The following PCDHGC4 variants were observed in gnomAD, a reference collection of about 807,000 sequenced individuals.
PCDHGC4 encodes protocadherin gamma subfamily C, 4.
A neutral mutation model predicts 59.7 loss-of-function variants in PCDHGC4; 15 were observed. The ratio of observed to expected loss-of-function variants is 0.25; its 90% CI spans 0.17 to 0.39. The LOEUF (loss-of-function observed/expected upper bound fraction) is 0.39, where lower values mean the gene tolerates loss of function less well. Among genes scored for constraint, PCDHGC4 ranks in the 10% least tolerant of loss-of-function variants. PCDHGC4 has a pLI of 1.00. For synonymous variants in PCDHGC4, 434 were observed against 481.4 expected (o/e 0.90, Z 1.29); for missense variants, 1,016 against 1,189.5 (o/e 0.85, Z 2.15).
In PCDHGC4 at chr5:141,506,176, C is replaced by T. The variant is rs183157987; in HGVS notation, c.2590+695C>T. ...CCTTAAGAGCACAGCCTAAGCTGGG[C>T]GTGGTGGCTCACGCCTGTAATCCCA... is the stretch of plus-strand genomic sequence containing the variant. On this transcript the variant is annotated intron_variant, in intron 3 of 3. Coordinates refer to ENST00000306593, the MANE Select transcript of PCDHGC4 (RefSeq NM_018928.3). Among the ~76,000 whole-genome samples the T allele has an allele frequency of 3.0e-3, 454 of 152,234 alleles. 1 individual carries two copies. The highest frequency in any genetic ancestry group is 0.021 in the Admixed American group (317 of 15,296).
At chr5:141,497,464 T>G (rs1277760390) in intron 2 of PCDHGC4, among the ~76,000 whole-genome samples, 1 of 151,764 alleles carries the variant, frequency 6.6e-6, no homozygotes, top group Non-Finnish European at 1.5e-5. Flanking sequence ...CTTGGAGATA[T>G]GGAGGAGAAG....
chr5:141,506,444 CAAAAAA>C (rs1219684339), intron 3 of PCDHGC4, among the ~76,000 whole-genome samples: 1 of 95,026 alleles, frequency 1.1e-5, no homozygotes, highest in African/African-American at 4.0e-5. Flanking sequence ...CGCTCTGTCT[CAAAAAA>C]AAAAAAAAAA....
Position 141,486,243 on chromosome 5 carries a change from G to T in PCDHGC4, c.1070G>T (p.Gly357Val). ...TACATCACAGTGACCTCAGAGCTTG[G>T]AACCCTCCCCGAGAGTGCAGAACCT... is the stretch of plus-strand genomic sequence containing the variant. ...APYITVTSELGTLPESAEPGT... is the reference protein window; with the variant it reads ...APYITVTSELVTLPESAEPGT... Residue 357 changes from glycine (G) to valine (V), a missense_variant, in exon 1 of 4, where the codon GGA becomes GTA. Coordinates refer to ENST00000306593, the MANE Select transcript of PCDHGC4 (RefSeq NM_018928.3). The surrounding 1 kb of genome is among the most constrained non-coding windows in gnomAD (Gnocchi z 5.0). 1 of 1,614,156 alleles carries T rather than the reference G, an allele frequency of 6.2e-7. No individual in the cohort carries two copies. Among genetic ancestry groups the T allele is most frequent in the Non-Finnish European group, 8.5e-7 (1 of 1,180,018 alleles).
At position 141,500,184 on chromosome 5, in the gene PCDHGC4, TTTTATTTATTTATTTA is replaced by T. The variant is rs58019021; in HGVS notation, c.2502-5182_2502-5167del. Among the ~76,000 whole-genome samples the T allele has an allele frequency of 2.1e-3, 289 of 135,964 alleles. 1 individual carries two copies. Among genetic ancestry groups the T allele is most frequent in the Middle Eastern group, 0.016 (4 of 248 alleles). The allele number at this position is 135,964 out of a possible 152,430, so 89.2% of individuals were successfully genotyped here. A position where few individuals can be genotyped will look rare whatever the true frequency, so the allele number is the denominator to read the frequency against. On this transcript the variant is annotated intron_variant, in intron 2 of 3. Coordinates refer to ENST00000306593, the MANE Select transcript of PCDHGC4 (RefSeq NM_018928.3). ...GAACATGCATGAGCTTCATTTTTAT[TTTTATTTATTTATTTA>T]TTTATTTATTTATTTATTTATTTAT...
Position 141,485,754 on chromosome 5 carries a change from T to A in PCDHGC4, c.581T>A (p.Leu194Gln), listed in dbSNP as rs770807249. ...AGCGACGGCAGCCTGGTCCCAGAGC[T>A]GCTCCTGGAGAAGCCTTTGGATCGA... Reference protein sequence around the residue: ...KRSDGSLVPELLLEKPLDREK... With the variant: ...KRSDGSLVPEQLLEKPLDREK... Residue 194 changes from leucine to glutamine, a missense_variant, in exon 1 of 4, where the codon CTG becomes CAG. Transcript: ENST00000306593. This position sits in a 1 kb window ranked among gnomAD's most constrained non-coding sequence, Gnocchi z 5.7. 1 of 1,614,236 alleles carries A rather than the reference T, an allele frequency of 6.2e-7. No individual in the cohort carries two copies. The highest frequency in any genetic ancestry group is 8.5e-7 in the Non-Finnish European group (1 of 1,180,044).
In PCDHGC4 at chr5:141,486,959, G is replaced by A. The variant is rs1161675143; in HGVS notation, c.1786G>A (p.Val596Met). The A allele has an allele frequency of 1.9e-6, 3 of 1,614,098 alleles. No individual in the cohort carries two copies. In the African/African-American group the frequency reaches 4.0e-5, roughly 22 times the overall value. The change falls in exon 1 of 4, where the codon GTG (valine) becomes ATG (methionine). Residue 596 changes from valine to methionine, a missense_variant. Transcript: ENST00000306593. The surrounding 1 kb of genome is among the most constrained non-coding windows in gnomAD (Gnocchi z 5.0). ...CCACCTAATCACAAAGGTGACTGCTGTGGACTTGGATTCAGGTTACAATGC... is the reference window on the plus strand; with the variant it reads ...CCACCTAATCACAAAGGTGACTGCTATGGACTTGGATTCAGGTTACAATGC... ...AGHLITKVTA[V>M]DLDSGYNAWV... is the part of the protein sequence containing the mutation.
At position 141,490,785 on chromosome 5, in the gene PCDHGC4, G is replaced by A. The variant is rs1021708826; in HGVS notation, c.2442+3170G>A. 1.2e-6 allele frequency: 2 copies of A among 1,614,066 alleles called. No individual in the cohort carries two copies. Among genetic ancestry groups the A allele is most frequent in the Non-Finnish European group, 1.7e-6 (2 of 1,179,952 alleles). On this transcript the variant is annotated intron_variant, in intron 1 of 3. Coordinates refer to ENST00000306593, the MANE Select transcript of PCDHGC4 (RefSeq NM_018928.3). The surrounding 1 kb of genome is among the most constrained non-coding windows in gnomAD (Gnocchi z 5.4). ...TGTATGTCAACCCAGAGGATGGACG[G>A]ATCTTTGCCCAGCGTACCTTTGACT...
Position 141,490,748 on chromosome 5 carries a change from C to A in PCDHGC4, c.2442+3133C>A. 3.1e-6 allele frequency: 5 copies of A among 1,614,168 alleles called. No individual in the cohort carries two copies. Among genetic ancestry groups the A allele is most frequent in the Non-Finnish European group, 3.4e-6 (4 of 1,180,006 alleles). ...GGAAATCAGGTTCAGGGAGCCCCAGCCTCCTCCTTTGTGTATGTCAACCCA... is the reference window on the plus strand; with the variant it reads ...GGAAATCAGGTTCAGGGAGCCCCAGACTCCTCCTTTGTGTATGTCAACCCA... On this transcript the variant is annotated intron_variant, in intron 1 of 3. Transcript: ENST00000306593. This position sits in a 1 kb window ranked among gnomAD's most constrained non-coding sequence, Gnocchi z 5.4.
rs1429860093 is a variant in PCDHGC4, at chr5:141,487,828, C to A, written c.2442+213C>A. 3 of 1,184,120 alleles carry A rather than the reference C, an allele frequency of 2.5e-6. No individual in the cohort carries two copies. The highest frequency in any genetic ancestry group is 1.5e-5 in the African/African-American group (1 of 64,540). The allele number at this position is 1,184,120 out of a possible 1,614,324, so 73.4% of individuals were successfully genotyped here. A position where few individuals can be genotyped will look rare whatever the true frequency, so the allele number is the denominator to read the frequency against. ...AGTTTAGCATTGGGGGCGGGTCATG[C>A]CTATATCTGAGTAAGAAATGAAAGT... On this transcript the variant is annotated intron_variant, in intron 1 of 3. Coordinates refer to ENST00000306593, the MANE Select transcript of PCDHGC4 (RefSeq NM_018928.3). The surrounding 1 kb of genome is among the most constrained non-coding windows in gnomAD (Gnocchi z 5.0).
At chr5:141,510,658 A>G (rs1162885805) in intron 3 of PCDHGC4, among the ~76,000 whole-genome samples, 1 of 152,178 alleles carries the variant, frequency 6.6e-6, no homozygotes, top group African/African-American at 2.4e-5. Context: ...CATTTTGCAG[A>G]TGAGAAAACT....
Position 141,490,447 on chromosome 5 carries a change from C to A in PCDHGC4, c.2442+2832C>A, listed in dbSNP as rs1273424450. 1.2e-6 allele frequency: 2 copies of A among 1,614,196 alleles called. No homozygotes were observed. The highest frequency in any genetic ancestry group is 1.7e-5 in the Admixed American group (1 of 60,030). Reference sequence around the variant, plus strand: ...ATTTCAGATTAAGCCTTCTGAGAACCACTACTCGCTGCTAACCAGCCAGCC... The same window carrying A: ...ATTTCAGATTAAGCCTTCTGAGAACAACTACTCGCTGCTAACCAGCCAGCC... On this transcript the variant is annotated intron_variant, in intron 1 of 3. Coordinates refer to ENST00000306593, the MANE Select transcript of PCDHGC4 (RefSeq NM_018928.3). This position sits in a 1 kb window ranked among gnomAD's most constrained non-coding sequence, Gnocchi z 5.4.
In PCDHGC4 at chr5:141,485,578, G is replaced by A; in HGVS notation, c.405G>A (p.Arg135=). ...ATGATCACGCCCCCCGTTTTCCGCG[G>A]CAGCAGCTGGACTTGGAAATTGGGG... is the stretch of plus-strand genomic sequence containing the variant. ...DVNDHAPRFP[R]QQLDLEIGEA... is the part of the protein sequence containing the mutation. The change falls in exon 1 of 4, where the codon CGG becomes CGA. Residue 135 remains arginine (R), a synonymous_variant. Transcript: ENST00000306593. This position sits in a 1 kb window ranked among gnomAD's most constrained non-coding sequence, Gnocchi z 5.7. 6.2e-7 allele frequency: 1 copy of A among 1,612,362 alleles called. No homozygotes were observed. Among genetic ancestry groups the A allele is most frequent in the Non-Finnish European group, 8.5e-7 (1 of 1,178,688 alleles).
intron 3 of PCDHGC4, among the ~76,000 whole-genome samples, chr5:141,505,765 T>C (rs970212345): frequency 5.3e-5 from 8 of 151,922 alleles, no homozygotes; most frequent in African/African-American, 1.9e-4. Flanking sequence ...ACAGTGTAGC[T>C]CAGGTCCTAG....
At chr5:141,497,595 A>C (rs973413640) in intron 2 of PCDHGC4, among the ~76,000 whole-genome samples, 1 of 147,414 alleles carries the variant, frequency 6.8e-6, no homozygotes, top group East Asian at 2.0e-4. Context: ...GCTGGAGTGC[A>C]GTGGTGCGAT....
At chr5:141,504,450 T>C (rs931613781) in intron 2 of PCDHGC4, among the ~76,000 whole-genome samples, 1 of 151,918 alleles carries the variant, frequency 6.6e-6, no homozygotes, top group Non-Finnish European at 1.5e-5. Context: ...ACTAGTGCCA[T>C]GTGGGGCAGC....
In PCDHGC4 at chr5:141,491,425, C is replaced by CA; in HGVS notation, c.2443-3381dup. The CA allele has an allele frequency of 6.2e-7, 1 of 1,614,076 alleles. No homozygotes were observed. The highest frequency in any genetic ancestry group is 8.5e-7 in the Non-Finnish European group (1 of 1,179,996). On this transcript the variant is annotated intron_variant, in intron 1 of 3. Coordinates refer to ENST00000306593, the MANE Select transcript of PCDHGC4 (RefSeq NM_018928.3). The surrounding 1 kb of genome is among the most constrained non-coding windows in gnomAD (Gnocchi z 6.9). ...CGCAGACGGGGACGGGGGTGGAGGG[C>CA]AGTGCTGCAGGCGCCAGGACTCACC...
At chr5:141,501,691 G>C (rs910322085) in intron 2 of PCDHGC4, among the ~76,000 whole-genome samples, 1 of 152,092 alleles carries the variant, frequency 6.6e-6, no homozygotes, top group Non-Finnish European at 1.5e-5. Context: ...CTTATCTGCA[G>C]GGTGATTCCG....
chr5:141,485,786 C>A lies in PCDHGC4; in HGVS notation c.613C>A (p.Gln205Lys). Residue 205 changes from glutamine to lysine, a missense_variant, in exon 1 of 4, where the codon CAA becomes AAA. By Grantham distance (53) the Gln-to-Lys change is moderately conservative. Transcript: ENST00000306593. This position sits in a 1 kb window ranked among gnomAD's most constrained non-coding sequence, Gnocchi z 5.7. ...GGAGAAGCCTTTGGATCGAGAGAAG[C>A]AATCGGACTACCGCCTGGTGCTGAC... ...LLEKPLDREK[Q>K]SDYRLVLTAV... is the part of the protein sequence containing the mutation. 1 of 1,614,208 alleles carries A rather than the reference C, an allele frequency of 6.2e-7. No individual in the cohort carries two copies. The highest frequency in any genetic ancestry group is 1.3e-5 in the African/African-American group (1 of 75,062).
In PCDHGC4 at chr5:141,487,493, C is replaced by T; in HGVS notation, c.2320C>T (p.Pro774Ser). 6.2e-7 allele frequency: 1 copy of T among 1,614,168 alleles called. No individual in the cohort carries two copies. The highest frequency in any genetic ancestry group is 1.1e-5 in the South Asian group (1 of 91,088). The change falls in exon 1 of 4, where the codon CCC (proline) becomes TCC (serine). Residue 774 changes from proline to serine, a missense_variant. Coordinates refer to ENST00000306593, the MANE Select transcript of PCDHGC4 (RefSeq NM_018928.3). The surrounding 1 kb of genome is among the most constrained non-coding windows in gnomAD (Gnocchi z 5.0). ...GGGAGGCCACTCTCATGGCTGTACA[C>T]CCTTGGCTTCTGCACCCACTCGGAG... Reference protein sequence around the residue: ...DVGGHSHGCTPLASAPTRSDS... With the variant: ...DVGGHSHGCTSLASAPTRSDS...
Sources: allele counts gnomAD v4.1 joint callset (sites outside exome capture counted in the v4.1 genomes callset), GRCh38; gene constraint gnomAD v4.1.1; non-coding constraint Gnocchi (gnomAD v3.1); transcripts MANE v1.5; gene names NCBI Gene and HGNC (gene_info 2026-07-23, HGNC 2026-07-21).